SLC4A10: variants seen among roughly 807,000 people sequenced by gnomAD.
SLC4A10 encodes solute carrier family 4 member 10.
A neutral mutation model predicts 137.7 loss-of-function variants in SLC4A10; 42 were observed. The ratio of observed to expected loss-of-function variants is 0.30; its 90% CI spans 0.24 to 0.39. The LOEUF (loss-of-function observed/expected upper bound fraction) is 0.39, where lower values mean the gene tolerates loss of function less well. SLC4A10 is among the 10% of genes least tolerant of loss of function. The pLI, the probability that SLC4A10 is intolerant of heterozygous loss-of-function variation, is 1.00. For synonymous variants in SLC4A10, 474 were observed against 464.1 expected (o/e 1.02, Z -0.27); for missense variants, 925 against 1,355.0 (o/e 0.68, Z 4.98).
At chr2:161,738,078 T>TA (rs56857498) in intron 1 of SLC4A10, among the ~76,000 whole-genome samples, 1,676 of 152,088 alleles carry the variant, frequency 0.011, 27 homozygotes, top group African/African-American at 0.038. Context: ...AAGTTTGGAT[T>TA]AAAAAAAATT....
At position 161,958,474 on chromosome 2, in the gene SLC4A10, T is replaced by C; in HGVS notation, c.2794-13T>C. ...AAATGATTTCTGCCTTTTCTCCAAT[T>C]GTTCTTTTACAGTTTATTCCCATGC... On this transcript the variant is annotated splice_polypyrimidine_tract_variant and intron_variant, in intron 20 of 26. Transcript: ENST00000446997. 3.1e-6 allele frequency: 5 copies of C among 1,604,128 alleles called. No homozygotes were observed. The South Asian group carries it at 5.6e-5, about 18-fold the overall frequency.
At position 161,664,676 on chromosome 2, in the gene SLC4A10, G is replaced by A. The variant is rs377746670; in HGVS notation, c.48+40110G>A. Among the ~76,000 whole-genome samples, 4 of 148,822 alleles carry A rather than the reference G, an allele frequency of 2.7e-5. No homozygotes were observed. The East Asian group carries it at 5.9e-4, about 22-fold the overall frequency. ...AATGAAAATATTTATGGAAAATATT[G>A]ACTTATTGTCTAAGTTTAGTGGGGA... On this transcript the variant is annotated intron_variant, in intron 1 of 26. Coordinates refer to ENST00000446997, the MANE Select transcript of SLC4A10 (RefSeq NM_001178015.2).
intron 2 of SLC4A10, among the ~76,000 whole-genome samples, chr2:161,784,619 G>A (rs1375820607): frequency 6.6e-6 from 1 of 151,816 alleles, no homozygotes; most frequent in Non-Finnish European, 1.5e-5. Flanking sequence ...TTATAAATAT[G>A]TGGACATTAA....
At chr2:161,683,389 A>T (rs772498668) in intron 1 of SLC4A10, among the ~76,000 whole-genome samples, 1 of 152,206 alleles carries the variant, frequency 6.6e-6, no homozygotes, top group African/African-American at 2.4e-5. Context: ...TCCTTTAGAA[A>T]TAAGTTGCAG....
At chr2:161,751,465 A>G (rs2048969708) in intron 1 of SLC4A10, among the ~76,000 whole-genome samples, 1 of 149,996 alleles carries the variant, frequency 6.7e-6, no homozygotes, top group South Asian at 2.1e-4. Flanking sequence ...AATATTTTAT[A>G]GTTATAATAG....
chr2:161,657,133 C>G (rs920807981), intron 1 of SLC4A10, among the ~76,000 whole-genome samples: 1 of 151,876 alleles, frequency 6.6e-6, no homozygotes, highest in Admixed American at 6.5e-5. Context: ...AATAATTTTC[C>G]CTTCTGAATA....
chr2:161,710,763 A>G (rs1259984584), intron 1 of SLC4A10: 3 of 452,918 alleles, frequency 6.6e-6, no homozygotes, highest in East Asian at 1.4e-4. Context: ...TAAGCTGCCT[A>G]TAAAAACTAT....
chr2:161,763,610 T>A (rs188966642), intron 1 of SLC4A10, among the ~76,000 whole-genome samples: 1 of 152,056 alleles, frequency 6.6e-6, no homozygotes. Flanking sequence ...AAAGGAGTCA[T>A]AGGACAAGAG....
In SLC4A10 at chr2:161,678,316, A is replaced by C; in HGVS notation, c.48+53750A>C. Among the ~76,000 whole-genome samples the C allele has an allele frequency of 1.3e-5, 2 of 152,182 alleles. 1 individual carries two copies. The highest frequency in any genetic ancestry group is 6.8e-3 in the Middle Eastern group (2 of 294). The stretch of plus-strand genomic sequence containing the variant: ...AACAAAATGCTTTGCCTCCTTAAAA[A>C]CTTGGCCATTTTTGCTATTTATAGA... On this transcript the variant is annotated intron_variant, in intron 1 of 26. Transcript: ENST00000446997.
At chr2:161,953,834 C>T (rs758056767) in intron 19 of SLC4A10, among the ~76,000 whole-genome samples, 2 of 152,146 alleles carry the variant, frequency 1.3e-5, no homozygotes, top group African/African-American at 4.8e-5. Context: ...CATAAATGTA[C>T]ATATAAATCC....
chr2:161,904,096 C>G lies in SLC4A10; in HGVS notation c.1535C>G (p.Ser512Cys). 6.2e-7 allele frequency: 1 copy of G among 1,607,352 alleles called. No homozygotes were observed. Among genetic ancestry groups the G allele is most frequent in the Non-Finnish European group, 8.5e-7 (1 of 1,176,552 alleles). The change falls in exon 13 of 27, where the codon TCT becomes TGT. Residue 512 changes from serine (S) to cysteine (C), a missense_variant. By Grantham distance (112) the Ser-to-Cys change is moderately radical (BLOSUM62 -1). Around this residue, in one of 11 missense-constraint regions of SLC4A10, gnomAD observed 61 missense variants for 168.0 expected, o/e 0.36. Transcript: ENST00000446997. ...GCTTTCAGCCTGCAGTGCTTAGCAT[C>G]TTTTCTATTTCTCTACTGCGCGTGT... ...RDAFSLQCLA[S>C]FLFLYCACMS...
intron 1 of SLC4A10, among the ~76,000 whole-genome samples, chr2:161,759,344 T>G (rs1294636465): frequency 6.6e-6 from 1 of 151,984 alleles, no homozygotes; most frequent in Non-Finnish European, 1.5e-5. Context: ...TGCGAACACT[T>G]AAGACCTACT....
intron 1 of SLC4A10, among the ~76,000 whole-genome samples, chr2:161,708,051 T>C (rs1234270063): frequency 2.6e-5 from 4 of 151,310 alleles, no homozygotes; most frequent in African/African-American, 9.7e-5. Flanking sequence ...AGAAAGTAAA[T>C]AAAAATATAA....
chr2:161,800,748 G>C (rs1368018344), intron 2 of SLC4A10, among the ~76,000 whole-genome samples: 1 of 152,088 alleles, frequency 6.6e-6, no homozygotes, highest in Non-Finnish European at 1.5e-5. Context: ...ATGAGGCAAA[G>C]TATGTAGTGA....
At chr2:161,721,853 T>A (rs1206095083) in intron 1 of SLC4A10, among the ~76,000 whole-genome samples, 2 of 152,222 alleles carry the variant, frequency 1.3e-5, no homozygotes, top group Admixed American at 6.5e-5. Context: ...TTTTACATAA[T>A]CCTTATAGTT....
chr2:161,753,560 C>T (rs537325560), intron 1 of SLC4A10, among the ~76,000 whole-genome samples: 3 of 152,110 alleles, frequency 2.0e-5, no homozygotes, highest in Middle Eastern at 3.4e-3. Context: ...AAAGTGGAGA[C>T]GATATCCTAT....
At chr2:161,741,507 A>G (rs924556462) in intron 1 of SLC4A10, among the ~76,000 whole-genome samples, 1 of 152,074 alleles carries the variant, frequency 6.6e-6, no homozygotes. Context: ...CCCCACTCCC[A>G]TAACCACCAT....
In SLC4A10 at chr2:161,927,945, A is replaced by C. The variant is rs1349720773; in HGVS notation, c.1998-14847A>C. Among the ~76,000 whole-genome samples the C allele has an allele frequency of 8.3e-4, 126 of 151,546 alleles. 1 individual carries two copies. The highest frequency in any genetic ancestry group is 1.4e-3 in the Non-Finnish European group (97 of 67,774). ...GGTGGGACTGTAAACTAGTTCAACC[A>C]TTGTGGAAGTCAGTGTGGCGATTCC... On this transcript the variant is annotated intron_variant, in intron 15 of 26. Transcript: ENST00000446997.
intron 4 of SLC4A10, among the ~76,000 whole-genome samples, chr2:161,851,768 T>C (rs1463418820): frequency 6.6e-6 from 1 of 152,208 alleles, no homozygotes; most frequent in Non-Finnish European, 1.5e-5. Context: ...TATTATTGTA[T>C]GGGTAAGTTT....
Sources: gnomAD v4.1 joint callset for allele counts (sites outside exome capture counted in the v4.1 genomes callset) on GRCh38, gnomAD v4.1.1 for gene constraint, gnomAD v4.1.1 regional missense constraint, MANE v1.5 for transcripts, NCBI Gene and HGNC (gene_info 2026-07-23, HGNC 2026-07-21) for gene names.